Variants in TIAM2 observed in about 807,000 individuals in gnomAD.
The protein encoded by TIAM2 is rho guanine nucleotide exchange factor TIAM2.
A neutral mutation model predicts 152.9 loss-of-function variants in TIAM2; 80 were observed. The ratio of observed to expected loss-of-function variants is 0.52; its 90% CI spans 0.44 to 0.63. The LOEUF (loss-of-function observed/expected upper bound fraction) is 0.63, where lower values mean the gene tolerates loss of function less well. Ranked by LOEUF, TIAM2 falls within the 30% of genes least tolerant of loss-of-function variation. The pLI, the probability that TIAM2 is intolerant of heterozygous loss-of-function variation, is 0.00. For missense variants in TIAM2, 1,965 were observed against 2,120.1 expected (o/e 0.93, Z 1.44); for synonymous variants, 804 against 838.0 (o/e 0.96, Z 0.70).
At chr6:155,231,419 A>T (rs1344879351) in intron 15 of TIAM2, among the ~76,000 whole-genome samples, 1 of 152,170 alleles carries the variant, frequency 6.6e-6, no homozygotes, top group African/African-American at 2.4e-5. Context: ...ATTTCATACA[A>T]TTTCCCTGGA....
chr6:155,132,928 C>T (rs1011276447), intron 4 of TIAM2, among the ~76,000 whole-genome samples: 6 of 152,340 alleles, frequency 3.9e-5, no homozygotes, highest in Middle Eastern at 3.4e-3. Flanking sequence ...CATTCTATCA[C>T]GGGTAAGTAT....
intron 1 of TIAM2, among the ~76,000 whole-genome samples, chr6:155,068,185 C>G (rs903252702): frequency 6.6e-6 from 1 of 152,174 alleles, no homozygotes. Context: ...TATTGCTGGG[C>G]CCCTCTCCCT....
intron 1 of TIAM2, among the ~76,000 whole-genome samples, chr6:155,058,463 G>A (rs1408087876): frequency 6.6e-6 from 1 of 152,092 alleles, no homozygotes; most frequent in Admixed American, 6.6e-5. Context: ...TTGAGTCCCC[G>A]TCACTTGCCA....
chr6:155,133,416 ATTATTTATTTTATT>A (rs1262963532), intron 4 of TIAM2, among the ~76,000 whole-genome samples: 2 of 152,130 alleles, frequency 1.3e-5, no homozygotes, highest in Non-Finnish European at 2.9e-5. Context: ...TTAGAATTTT[ATTATTTATTTTATT>A]TTATTTATTT....
chr6:155,248,392 G>A (rs1218749462), intron 20 of TIAM2, among the ~76,000 whole-genome samples: 3 of 152,226 alleles, frequency 2.0e-5, no homozygotes, highest in Admixed American at 6.5e-5. Flanking sequence ...AAATACTTGG[G>A]TAGAAATGAT....
At chr6:155,255,080 C>T (rs1783914501) in intron 26 of TIAM2, 1 of 155,150 alleles carries the variant, frequency 6.4e-6, no homozygotes, top group Admixed American at 6.2e-5. Flanking sequence ...GCATTCAATA[C>T]ATTTCATGAG....
chr6:155,203,566 A>C (rs1781530006), intron 14 of TIAM2, among the ~76,000 whole-genome samples: 1 of 152,240 alleles, frequency 6.6e-6, no homozygotes, highest in Non-Finnish European at 1.5e-5. Flanking sequence ...TGGATTATGT[A>C]GTTGAAAACT....
chr6:155,135,201 C>T (rs9478616), intron 4 of TIAM2, among the ~76,000 whole-genome samples: 40,602 of 151,828 alleles, frequency 0.27, 6,681 homozygotes, highest in Admixed American at 0.39. Context: ...CTGCTTGGGG[C>T]GCAGTTGTTC....
At chr6:155,018,039 T>G (rs951689932) in intron 1 of TIAM2, among the ~76,000 whole-genome samples, 15 of 152,106 alleles carry the variant, frequency 9.9e-5, no homozygotes, top group African/African-American at 3.6e-4. Context: ...TTTATATTGT[T>G]TACATGTCAA....
intron 1 of TIAM2, among the ~76,000 whole-genome samples, chr6:154,998,479 C>A (rs2114832190): frequency 6.6e-6 from 1 of 152,216 alleles, no homozygotes; most frequent in South Asian, 2.1e-4. Flanking sequence ...CATTTGCAAG[C>A]TGAATTGGCT....
intron 1 of TIAM2, among the ~76,000 whole-genome samples, chr6:155,034,868 A>G (rs568968309): frequency 3.5e-4 from 54 of 152,328 alleles, no homozygotes; most frequent in African/African-American, 9.6e-4. Context: ...AGATGTTTTC[A>G]AAGATCCTGT....
At chr6:155,224,374 G>A (rs553158193) in intron 15 of TIAM2, among the ~76,000 whole-genome samples, 1 of 152,282 alleles carries the variant, frequency 6.6e-6, no homozygotes, top group South Asian at 2.1e-4. Flanking sequence ...CTGGAGTTGA[G>A]GGAGGAGGGG....
chr6:155,001,619 C>T (rs1367716195), intron 1 of TIAM2, among the ~76,000 whole-genome samples: 1 of 152,228 alleles, frequency 6.6e-6, no homozygotes, highest in East Asian at 1.9e-4. Flanking sequence ...TCCAGGCATT[C>T]CATCGAGCTG....
intron 1 of TIAM2, among the ~76,000 whole-genome samples, chr6:155,035,218 A>G (rs1287374058): frequency 3.0e-5 from 4 of 131,148 alleles, no homozygotes; most frequent in Non-Finnish European, 6.4e-5. Context: ...CCTTACATGT[A>G]TCGTCCTATT....
intron 24 of TIAM2, chr6:155,253,702 A>G (rs1783817510): frequency 2.9e-6 from 1 of 346,998 alleles, no homozygotes; most frequent in Non-Finnish European, 5.2e-6. Context: ...GATCCACTGA[A>G]TCTCCTCTTC....
chr6:155,186,517 G>C lies in TIAM2; in HGVS notation c.3064+3017G>C, dbSNP rs979499090. ...TGACTCAGACTCTGCTTTTAGGGGA[G>C]CCCGAATGAAGATGCTGAGCCTCAC... On this transcript the variant is annotated intron_variant, in intron 14 of 26. Transcript: ENST00000682666. This position sits in a 1 kb window ranked among gnomAD's most constrained non-coding sequence, Gnocchi z 4.5. Among the ~76,000 whole-genome samples, 1 of 152,092 alleles carries C rather than the reference G, an allele frequency of 6.6e-6. No homozygotes were observed. The highest frequency in any genetic ancestry group is 2.4e-5 in the African/African-American group (1 of 41,418).
At chr6:155,056,803 G>A (rs1056967415) in intron 1 of TIAM2, among the ~76,000 whole-genome samples, 2 of 151,476 alleles carry the variant, frequency 1.3e-5, no homozygotes, top group African/African-American at 2.4e-5. Context: ...ATTAACTAAA[G>A]CCCATATTCG....
At position 155,137,603 on chromosome 6, in the gene TIAM2, A is replaced by T; in HGVS notation, c.1621A>T (p.Thr541Ser). Reference protein sequence around the residue: ...ARRKWKQYWVTLKGCTLLFYE... With the variant: ...ARRKWKQYWVSLKGCTLLFYE... ...AAGGAAATGGAAACAGTACTGGGTA[A>T]CGCTGAAAGGTGAGTGCAGTGTCAC... The change falls in exon 5 of 27, where the codon ACG becomes TCG. Residue 541 changes from threonine (T) to serine (S), a missense_variant. Around this residue, in one of 3 missense-constraint regions of TIAM2, gnomAD observed 1,025 missense variants for 1,119.4 expected, o/e 0.92. Coordinates refer to ENST00000682666, the MANE Select transcript of TIAM2 (RefSeq NM_012454.4). The T allele has an allele frequency of 6.3e-7, 1 of 1,588,632 alleles. No homozygotes were observed. Among genetic ancestry groups the T allele is most frequent in the Non-Finnish European group, 8.5e-7 (1 of 1,172,284 alleles).
chr6:155,164,843 A>G (rs1445711501), intron 8 of TIAM2, among the ~76,000 whole-genome samples: 1 of 152,204 alleles, frequency 6.6e-6, no homozygotes, highest in Admixed American at 6.5e-5. Flanking sequence ...CTGCATGCTC[A>G]TCTCTGCCTT....
Sources: allele counts gnomAD v4.1 joint callset (sites outside exome capture counted in the v4.1 genomes callset), GRCh38; gene constraint gnomAD v4.1.1; regional missense constraint gnomAD v4.1.1; non-coding constraint Gnocchi (gnomAD v3.1); transcripts MANE v1.5; gene names NCBI Gene and HGNC (gene_info 2026-07-23, HGNC 2026-07-21).